Variants in CRACR2A observed in about 807,000 individuals in gnomAD.
The protein encoded by CRACR2A is calcium release activated channel regulator 2A.
A neutral mutation model predicts 90.5 loss-of-function variants in CRACR2A; 79 were observed. The observed-to-expected ratio is 0.87, with a 90% CI of 0.73 to 1.05. The LOEUF (loss-of-function observed/expected upper bound fraction) is 1.05, where lower values mean the gene tolerates loss of function less well. CRACR2A is among the 50% of genes least tolerant of loss of function. CRACR2A has a pLI of 0.00. For synonymous variants in CRACR2A, 338 were observed against 356.7 expected (o/e 0.95, Z 0.59); for missense variants, 823 against 897.2 (o/e 0.92, Z 1.06).
intron 11 of CRACR2A, among the ~76,000 whole-genome samples, chr12:3,646,214 G>A (rs1484925827): frequency 6.6e-6 from 1 of 152,246 alleles, no homozygotes; most frequent in African/African-American, 2.4e-5. Context: ...GAATGCACTT[G>A]GGGATCACAG....
At chr12:3,621,810 C>T (rs1045368578) in intron 17 of CRACR2A, among the ~76,000 whole-genome samples, 9 of 151,952 alleles carry the variant, frequency 5.9e-5, no homozygotes, top group Admixed American at 5.9e-4. Context: ...CACAGCCACT[C>T]TGGACAACTG....
At chr12:3,663,924 G>A (rs113354531) in intron 7 of CRACR2A, among the ~76,000 whole-genome samples, 4 of 152,142 alleles carry the variant, frequency 2.6e-5, no homozygotes, top group East Asian at 1.9e-4. Context: ...TGCCATTGGC[G>A]TTTTGAACAC....
chr12:3,720,350 A>C (rs1376603545), intron 2 of CRACR2A, among the ~76,000 whole-genome samples: 1 of 141,452 alleles, frequency 7.1e-6, no homozygotes, highest in Non-Finnish European at 1.5e-5. Flanking sequence ...GAAAGAAAGA[A>C]AAAGGAAAGA....
chr12:3,660,418 C>T (rs1945008460), intron 7 of CRACR2A, among the ~76,000 whole-genome samples: 1 of 152,046 alleles, frequency 6.6e-6, no homozygotes, highest in Non-Finnish European at 1.5e-5. Context: ...GCATCCTTTT[C>T]CCACTCTTTC....
chr12:3,725,314 T>A (rs1192484264), intron 2 of CRACR2A, among the ~76,000 whole-genome samples: 2 of 152,214 alleles, frequency 1.3e-5, no homozygotes, highest in East Asian at 3.9e-4. Flanking sequence ...CGGCGCTGTG[T>A]CCCCTCTAAA....
chr12:3,670,335 C>T (rs1215333439), intron 7 of CRACR2A, among the ~76,000 whole-genome samples: 1 of 152,142 alleles, frequency 6.6e-6, no homozygotes, highest in African/African-American at 2.4e-5. Context: ...CTCACCAGAA[C>T]CCGCTCTTCT....
chr12:3,650,686 T>G (rs942003334), intron 10 of CRACR2A, among the ~76,000 whole-genome samples: 3 of 152,098 alleles, frequency 2.0e-5, no homozygotes, highest in Non-Finnish European at 2.9e-5. Context: ...AGCTCACAGC[T>G]TTTTCCTCTG....
intron 4 of CRACR2A, among the ~76,000 whole-genome samples, chr12:3,680,579 G>C (rs1408706421): frequency 1.3e-5 from 2 of 152,212 alleles, no homozygotes; most frequent in African/African-American, 4.8e-5. Context: ...TTTGCTAGGT[G>C]ATTTATAAAT....
chr12:3,698,079 G>A (rs1945773520), intron 3 of CRACR2A, among the ~76,000 whole-genome samples: 1 of 152,150 alleles, frequency 6.6e-6, no homozygotes, highest in Non-Finnish European at 1.5e-5. Context: ...CTGAGCATCT[G>A]TAAGTCTGTG....
At chr12:3,703,375 G>A (rs377334335) in intron 3 of CRACR2A, among the ~76,000 whole-genome samples, 12 of 152,128 alleles carry the variant, frequency 7.9e-5, no homozygotes, top group South Asian at 2.1e-4. Context: ...ATGAGCCACC[G>A]CACCCAGCTG....
At chr12:3,631,461 C>T (rs55637080) in intron 15 of CRACR2A, among the ~76,000 whole-genome samples, 10,720 of 152,118 alleles carry the variant, frequency 0.07, 504 homozygotes, top group African/African-American at 0.13. Flanking sequence ...GTGCCAGAGC[C>T]GAGACTGTAG....
chr12:3,659,734 C>A, intron 7 of CRACR2A, 80 bp from the exon 8 acceptor site: 2 of 1,139,874 alleles, frequency 1.8e-6, no homozygotes, highest in Non-Finnish European at 1.3e-6. Flanking sequence ...GACACCAGTT[C>A]CCCAACTCTG....
chr12:3,678,829 G>C (rs1388954235), intron 6 of CRACR2A, 86 bp downstream of exon 6: 1 of 1,426,580 alleles, frequency 7.0e-7, no homozygotes, highest in Non-Finnish European at 9.5e-7. Flanking sequence ...GCACCACATG[G>C]TTAACAAATG....
At chr12:3,657,072 G>T (rs1944924279) in intron 8 of CRACR2A, among the ~76,000 whole-genome samples, 1 of 152,234 alleles carries the variant, frequency 6.6e-6, no homozygotes, top group South Asian at 2.1e-4. Context: ...GGAGGAAAGT[G>T]TGTGGGCTAT....
chr12:3,625,700 T>G (rs1204053460), intron 17 of CRACR2A, among the ~76,000 whole-genome samples: 1 of 150,680 alleles, frequency 6.6e-6, no homozygotes, highest in Non-Finnish European at 1.5e-5. Flanking sequence ...GCAAGGCAGC[T>G]CTGACGGAGA....
At chr12:3,740,112 C>T (rs946525365) in intron 1 of CRACR2A, among the ~76,000 whole-genome samples, 9 of 152,076 alleles carry the variant, frequency 5.9e-5, no homozygotes, top group African/African-American at 2.2e-4. Flanking sequence ...CACATCCTTG[C>T]CCAGGGCTCT....
chr12:3,654,521 G>A, intron 9 of CRACR2A, 122 bp from the exon 10 acceptor site: 2 of 916,698 alleles, frequency 2.2e-6, no homozygotes, highest in Middle Eastern at 3.1e-4. Context: ...ACCCCTCACT[G>A]GCCTCAAGCC....
intron 4 of CRACR2A, among the ~76,000 whole-genome samples, chr12:3,692,463 G>A (rs192484210): frequency 1.5e-3 from 212 of 146,008 alleles, no homozygotes; most frequent in Admixed American, 3.7e-3. Context: ...CCTGTATCAG[G>A]CCCTGGTTTT....
intron 1 of CRACR2A, among the ~76,000 whole-genome samples, chr12:3,743,624 C>A (rs553231837): frequency 5.9e-5 from 9 of 152,342 alleles, no homozygotes; most frequent in Admixed American, 5.2e-4. Flanking sequence ...GTCTGAGCCT[C>A]AGTTTCCTCA....
Sources: allele counts gnomAD v4.1 joint callset (sites outside exome capture counted in the v4.1 genomes callset), GRCh38; gene constraint gnomAD v4.1.1; transcripts MANE v1.5; gene names NCBI Gene and HGNC (gene_info 2026-07-23, HGNC 2026-07-21).